GALNT2: variants seen among roughly 807,000 people sequenced by gnomAD.
GALNT2 encodes polypeptide N-acetylgalactosaminyltransferase 2, also known as UDP-GalNAc:polypeptide N-acetylgalactosaminyltransferase 2.
A neutral mutation model predicts 81.4 loss-of-function variants in GALNT2; 31 were observed. That is an observed-to-expected ratio of 0.38 (90% confidence interval 0.29 to 0.51). The LOEUF is 0.51. Ranked by LOEUF, GALNT2 falls within the 20% of genes least tolerant of loss-of-function variation. GALNT2 has a pLI of 0.87. For missense variants in GALNT2, 629 were observed against 765.7 expected (o/e 0.82, Z 2.11); for synonymous variants, 303 against 287.4 (o/e 1.05, Z -0.55).
chr1:230,105,006 C>T (rs755883672), intron 1 of GALNT2, among the ~76,000 whole-genome samples: 96 of 152,204 alleles, frequency 6.3e-4, no homozygotes, highest in Non-Finnish European at 1.0e-3. Context: ...GCCACAGTGG[C>T]GCTGTGGATT....
intron 14 of GALNT2, among the ~76,000 whole-genome samples, chr1:230,268,989 C>T (rs766334029): frequency 6.6e-5 from 10 of 152,246 alleles, no homozygotes; most frequent in Admixed American, 2.6e-4. Flanking sequence ...GTGTCTCCCA[C>T]TCTGCTTTTG....
intron 1 of GALNT2, among the ~76,000 whole-genome samples, chr1:230,120,391 T>A (rs1008252679): frequency 6.6e-6 from 1 of 152,052 alleles, no homozygotes; most frequent in African/African-American, 2.4e-5. Flanking sequence ...ATGTCAGCCA[T>A]CTCCAGGGCT....
intron 2 of GALNT2, among the ~76,000 whole-genome samples, chr1:230,189,629 A>G (rs1302881373): frequency 1.3e-5 from 2 of 152,134 alleles, no homozygotes; most frequent in East Asian, 3.8e-4. Flanking sequence ...GGCATTGTGC[A>G]TTTATCTTTT....
chr1:230,098,445 A>G (rs1175439033), intron 1 of GALNT2, among the ~76,000 whole-genome samples: 1 of 151,768 alleles, frequency 6.6e-6, no homozygotes, highest in East Asian at 1.9e-4. Context: ...TATGCAAACT[A>G]CCCCAAAGTC....
At chr1:230,062,281 T>C (rs1040529547), upstream of GALNT2, among the ~76,000 whole-genome samples, 1 of 152,224 alleles carries the variant, frequency 6.6e-6, no homozygotes, top group African/African-American at 2.4e-5. Flanking sequence ...TTAAGTACTT[T>C]ATATGTCAGA....
intron 1 of GALNT2, among the ~76,000 whole-genome samples, chr1:230,151,301 C>T (rs912328841): frequency 3.9e-5 from 6 of 152,274 alleles, no homozygotes; most frequent in Admixed American, 2.0e-4. Context: ...CTCTGACCAC[C>T]GTTGACATCG....
upstream of GALNT2, chr1:230,057,867 A>G (rs1000777752): frequency 2.3e-5 from 8 of 348,784 alleles, no homozygotes; most frequent in East Asian, 4.0e-4. Context: ...GGTAGCAACC[A>G]CAGGCAGGAG....
intron 1 of GALNT2, among the ~76,000 whole-genome samples, chr1:230,164,734 G>A (rs1431031075): frequency 2.0e-5 from 3 of 152,096 alleles, no homozygotes; most frequent in Non-Finnish European, 4.4e-5. Flanking sequence ...GTTTCACCAT[G>A]CTAGCCAGGA....
intron 5 of GALNT2, 48 bp from the exon 6 acceptor site, chr1:230,236,612 C>T (rs1665040579): frequency 6.3e-7 from 1 of 1,577,292 alleles, no homozygotes. Flanking sequence ...ATGCAAAGCC[C>T]TTTATGAACT....
At chr1:230,210,838 C>A (rs182281099) in intron 3 of GALNT2, among the ~76,000 whole-genome samples, 28 of 152,322 alleles carry the variant, frequency 1.8e-4, no homozygotes, top group Non-Finnish European at 3.2e-4. Flanking sequence ...GTATTGATAT[C>A]AGTTGTTTTA....
chr1:230,093,626 G>C (rs966380241), intron 1 of GALNT2, among the ~76,000 whole-genome samples: 1 of 152,214 alleles, frequency 6.6e-6, no homozygotes, highest in African/African-American at 2.4e-5. Flanking sequence ...TGCACATGTG[G>C]GCAAGGTACG....
chr1:230,259,372 C>G (rs7517119), intron 11 of GALNT2: 86,431 of 152,070 alleles, frequency 0.57, 27,261 homozygotes, highest in East Asian at 0.9. Flanking sequence ...TCATAATTTT[C>G]TGCATGAAAC....
intron 1 of GALNT2, among the ~76,000 whole-genome samples, chr1:230,146,953 C>T (rs1049173613): frequency 6.6e-6 from 1 of 151,936 alleles, no homozygotes; most frequent in Non-Finnish European, 1.5e-5. Flanking sequence ...CCGCTGGCCG[C>T]ACTGTGTGGG....
chr1:230,196,299 G>A (rs1663693527), intron 2 of GALNT2, among the ~76,000 whole-genome samples: 1 of 152,186 alleles, frequency 6.6e-6, no homozygotes, highest in Non-Finnish European at 1.5e-5. Context: ...TTTCTCCGGG[G>A]CTTTCTTGGA....
chr1:230,095,670 G>A (rs1359488952), intron 1 of GALNT2, among the ~76,000 whole-genome samples: 5 of 152,214 alleles, frequency 3.3e-5, no homozygotes, highest in African/African-American at 9.6e-5. Context: ...TCCCTGCCTC[G>A]TGAATCTGGT....
chr1:230,059,520 C>T (rs905885807), intron 1 of GALNT2, among the ~76,000 whole-genome samples: 7 of 152,084 alleles, frequency 4.6e-5, no homozygotes, highest in African/African-American at 1.2e-4. Flanking sequence ...AGACAAGGAG[C>T]GGGTGTTTAT....
chr1:230,273,025 G>A (rs1350582515), intron 14 of GALNT2, among the ~76,000 whole-genome samples: 2 of 152,008 alleles, frequency 1.3e-5, no homozygotes, highest in Admixed American at 1.3e-4. Context: ...TCCCGCCTTG[G>A]CCCCCAAAGT....
chr1:230,269,861 C>T (rs564464107), intron 14 of GALNT2, among the ~76,000 whole-genome samples: 22 of 152,268 alleles, frequency 1.4e-4, no homozygotes, highest in African/African-American at 5.3e-4. Flanking sequence ...TGCACCACTA[C>T]ACTCCAGCCT....
At chr1:230,147,303 C>T (rs780863324) in intron 1 of GALNT2, among the ~76,000 whole-genome samples, 3 of 152,180 alleles carry the variant, frequency 2.0e-5, no homozygotes, top group South Asian at 4.1e-4. Flanking sequence ...TTTCCAAGAT[C>T]GACCGTGAAT....
Sources: gnomAD v4.1 joint callset for allele counts (sites outside exome capture counted in the v4.1 genomes callset) on GRCh38, gnomAD v4.1.1 for gene constraint, MANE v1.5 for transcripts, NCBI Gene and HGNC (gene_info 2026-07-23, HGNC 2026-07-21) for gene names.